Variants in EXOC4 observed in about 807,000 individuals in gnomAD.
EXOC4 encodes exocyst complex component 4, also known as SEC8-like 1.
EXOC4 carries 71 observed loss-of-function variants against 107.2 expected under a neutral mutation model. The observed-to-expected ratio is 0.66, with a 90% confidence interval of 0.55 to 0.81. The LOEUF is 0.81. EXOC4 is among the 30% of genes least tolerant of loss of function. EXOC4 has a pLI of 0.00. For missense variants in EXOC4, 1,108 were observed against 1,189.6 expected (o/e 0.93, Z 1.01); for synonymous variants, 456 against 441.2 (o/e 1.03, Z -0.42).
At chr7:133,704,677 G>C (rs1426041257) in intron 10 of EXOC4, among the ~76,000 whole-genome samples, 3 of 152,184 alleles carry the variant, frequency 2.0e-5, no homozygotes, top group Non-Finnish European at 4.4e-5. Flanking sequence ...AGGGATCCGG[G>C]TGTGTGTGGA....
intron 11 of EXOC4, among the ~76,000 whole-genome samples, chr7:133,836,694 G>A (rs1236116590): frequency 1.3e-5 from 2 of 151,604 alleles, no homozygotes; most frequent in Non-Finnish European, 2.9e-5. Context: ...TCCCCTTGCT[G>A]TCCAGAATGC....
chr7:133,271,567 G>A (rs1463345426), intron 1 of EXOC4, among the ~76,000 whole-genome samples: 2 of 152,210 alleles, frequency 1.3e-5, no homozygotes, highest in East Asian at 1.9e-4. Context: ...TCACTCCAGA[G>A]CAAGGGGCAG....
At chr7:133,325,157 T>G (rs1224866121) in intron 5 of EXOC4, among the ~76,000 whole-genome samples, 1 of 152,246 alleles carries the variant, frequency 6.6e-6, no homozygotes, top group East Asian at 1.9e-4. Context: ...GTCTTGACTC[T>G]TCATCCAATT....
At chr7:133,708,171 G>T (rs1794809651) in intron 10 of EXOC4, among the ~76,000 whole-genome samples, 1 of 152,070 alleles carries the variant, frequency 6.6e-6, no homozygotes, top group African/African-American at 2.4e-5. Context: ...AGGAGAAAAA[G>T]ACACAAAAAG....
intron 9 of EXOC4, among the ~76,000 whole-genome samples, chr7:133,610,182 A>G (rs906280223): frequency 1.3e-5 from 2 of 152,214 alleles, no homozygotes; most frequent in Admixed American, 6.5e-5. Flanking sequence ...CACCTGCTGC[A>G]GAAGCCTTGG....
intron 9 of EXOC4, among the ~76,000 whole-genome samples, chr7:133,625,292 A>G (rs1802427259): frequency 6.6e-6 from 1 of 152,206 alleles, no homozygotes; most frequent in South Asian, 2.1e-4. Flanking sequence ...TATCTACGTT[A>G]CTTCCCTTAA....
intron 17 of EXOC4, among the ~76,000 whole-genome samples, chr7:134,014,561 G>C (rs368669809): frequency 3.3e-5 from 5 of 152,098 alleles, no homozygotes; most frequent in Non-Finnish European, 7.4e-5. Context: ...AAGCTATTTT[G>C]TATGACACTA....
chr7:133,391,471 CTGGGATGCTG>C (rs1796851696), intron 7 of EXOC4, among the ~76,000 whole-genome samples: 2 of 152,212 alleles, frequency 1.3e-5, no homozygotes, highest in South Asian at 2.1e-4. Flanking sequence ...GAGGCAGCAT[CTGGGATGCTG>C]TCTTGAGTGT....
At chr7:133,630,715 G>A (rs1802571036) in intron 10 of EXOC4, among the ~76,000 whole-genome samples, 1 of 152,156 alleles carries the variant, frequency 6.6e-6, no homozygotes, top group African/African-American at 2.4e-5. Flanking sequence ...GCAGGTCTCT[G>A]AAATATGATT....
At chr7:133,274,918 C>T (rs1793952844) in intron 1 of EXOC4, 64 bp from the exon 2 acceptor site, 1 of 1,297,106 alleles carries the variant, frequency 7.7e-7, no homozygotes, top group East Asian at 2.4e-5. Context: ...CTTTCTGCTT[C>T]ACCTTTCTTT....
At chr7:133,926,042 CAA>C (rs552126104) in intron 13 of EXOC4, among the ~76,000 whole-genome samples, 35 of 104,650 alleles carry the variant, frequency 3.3e-4, no homozygotes, top group South Asian at 3.3e-4. Context: ...GACTCCGTCT[CAA>C]AAAAAAAAAA....
chr7:133,914,022 G>A (rs1585244205), intron 12 of EXOC4, among the ~76,000 whole-genome samples: 1 of 152,304 alleles, frequency 6.6e-6, no homozygotes, highest in Admixed American at 6.5e-5. Flanking sequence ...AATAGTCAAA[G>A]AGTGCGAAGA....
At chr7:133,787,522 C>G (rs2151180413) in intron 10 of EXOC4, among the ~76,000 whole-genome samples, 1 of 152,106 alleles carries the variant, frequency 6.6e-6, no homozygotes, top group Non-Finnish European at 1.5e-5. Context: ...GTCTTAGTCA[C>G]TTTGACCTTC....
At chr7:133,714,639 G>A (rs889448956) in intron 10 of EXOC4, among the ~76,000 whole-genome samples, 13 of 152,110 alleles carry the variant, frequency 8.5e-5, no homozygotes, top group Admixed American at 1.3e-4. Context: ...GACTTTTTTT[G>A]CACAACTGTT....
chr7:133,937,041 G>A (rs1370415650), intron 13 of EXOC4, among the ~76,000 whole-genome samples: 2 of 152,150 alleles, frequency 1.3e-5, no homozygotes, highest in African/African-American at 4.8e-5. Context: ...CTGAGTCCTA[G>A]CTTTGCCACT....
At chr7:133,551,265 G>A (rs760890123) in intron 9 of EXOC4, among the ~76,000 whole-genome samples, 3 of 152,020 alleles carry the variant, frequency 2.0e-5, no homozygotes, top group Non-Finnish European at 1.5e-5. Context: ...TATCAAAAAA[G>A]ACCCTTGTTG....
intron 10 of EXOC4, among the ~76,000 whole-genome samples, chr7:133,777,918 C>T (rs897513372): frequency 3.3e-5 from 5 of 152,114 alleles, no homozygotes; most frequent in Non-Finnish European, 7.4e-5. Context: ...GCATACTTTA[C>T]CCAGGTAATA....
At chr7:133,747,802 G>A (rs1049039002) in intron 10 of EXOC4, among the ~76,000 whole-genome samples, 1 of 151,970 alleles carries the variant, frequency 6.6e-6, no homozygotes, top group Non-Finnish European at 1.5e-5. Flanking sequence ...TCATCCCCAC[G>A]CCAACATAAC....
intron 5 of EXOC4, among the ~76,000 whole-genome samples, 197 bp from the exon 6 acceptor site, chr7:133,356,133 T>G (rs1400610188): frequency 6.6e-6 from 1 of 152,232 alleles, no homozygotes; most frequent in Non-Finnish European, 1.5e-5. Flanking sequence ...TATTACTAAC[T>G]GATGGGTATG....
Sources: gnomAD v4.1 joint callset for allele counts (sites outside exome capture counted in the v4.1 genomes callset) on GRCh38, gnomAD v4.1.1 for gene constraint, MANE v1.5 for transcripts, NCBI Gene and HGNC (gene_info 2026-07-23, HGNC 2026-07-21) for gene names.